The following GRM8 variants were observed in gnomAD, a reference collection of about 807,000 sequenced individuals.
GRM8 encodes the protein glutamate metabotropic receptor 8.
A neutral mutation model predicts 87.2 loss-of-function variants in GRM8; 47 were observed. The ratio of observed to expected loss-of-function variants is 0.54; its 90% confidence interval spans 0.43 to 0.69. The LOEUF (loss-of-function observed/expected upper bound fraction) is 0.69, where lower values mean the gene tolerates loss of function less well. Ranked by LOEUF, GRM8 falls within the 30% of genes least tolerant of loss-of-function variation. The pLI is 0.00. For synonymous variants in GRM8, 396 were observed against 404.5 expected (o/e 0.98, Z 0.25); for missense variants, 1,019 against 1,139.2 (o/e 0.89, Z 1.52).
At chr7:126,898,370 A>G (rs1801742713) in intron 6 of GRM8, among the ~76,000 whole-genome samples, 1 of 152,204 alleles carries the variant, frequency 6.6e-6, no homozygotes, top group Non-Finnish European at 1.5e-5. Context: ...GGAGACAAAT[A>G]TCTTCTCTTA....
chr7:126,757,665 C>T (rs1377992634), intron 7 of GRM8, among the ~76,000 whole-genome samples: 1 of 152,098 alleles, frequency 6.6e-6, no homozygotes, highest in Non-Finnish European at 1.5e-5. Flanking sequence ...CTGGGCAGTG[C>T]TACAAGGACT....
At chr7:127,114,743 T>C (rs898784241) in intron 2 of GRM8, among the ~76,000 whole-genome samples, 1 of 152,184 alleles carries the variant, frequency 6.6e-6, no homozygotes, top group Non-Finnish European at 1.5e-5. Context: ...AGTATAAATA[T>C]ATATTACACT....
At chr7:126,940,587 C>T (rs17867122) in intron 3 of GRM8, among the ~76,000 whole-genome samples, 15 of 152,324 alleles carry the variant, frequency 9.8e-5, no homozygotes, top group African/African-American at 3.1e-4. Context: ...ACTTTGTTGT[C>T]ACCATGTAGA....
At chr7:126,918,363 A>G (rs1804153434) in intron 3 of GRM8, among the ~76,000 whole-genome samples, 1 of 152,222 alleles carries the variant, frequency 6.6e-6, no homozygotes, top group South Asian at 2.1e-4. Context: ...TCCTTTGACA[A>G]TGTTGTCATT....
At position 126,478,626 on chromosome 7, in the gene GRM8, A is replaced by C. The variant is rs78217039; in HGVS notation, c.2431-32254T>G. On this transcript the variant is annotated intron_variant, in intron 9 of 10. Transcript: ENST00000339582. ...AAAAATGATTTCTCTTAGAAGCTAT[A>C]AAATTGTCTTCAAAGTAGCCAAATG... Among the ~76,000 whole-genome samples the C allele has an allele frequency of 1.7e-3, 265 of 152,266 alleles. 6 individuals carry two copies. The East Asian group carries it at 0.044, about 26-fold the overall frequency.
chr7:127,170,575 A>G (rs1478634131), intron 2 of GRM8, among the ~76,000 whole-genome samples: 1 of 152,220 alleles, frequency 6.6e-6, no homozygotes, highest in Non-Finnish European at 1.5e-5. Context: ...CAGTTGCAAA[A>G]ACATGGAACC....
At chr7:127,144,719 G>T (rs1174755926) in intron 2 of GRM8, among the ~76,000 whole-genome samples, 1 of 152,004 alleles carries the variant, frequency 6.6e-6, no homozygotes, top group Non-Finnish European at 1.5e-5. Context: ...TGTCAGTGAG[G>T]CAAGAACATG....
At chr7:126,822,749 C>T (rs1336165862) in intron 6 of GRM8, among the ~76,000 whole-genome samples, 1 of 152,122 alleles carries the variant, frequency 6.6e-6, no homozygotes, top group Non-Finnish European at 1.5e-5. Flanking sequence ...GTCCCCTTTC[C>T]TGGCTCCTTT....
chr7:126,951,590 C>T (rs184472610), intron 3 of GRM8, among the ~76,000 whole-genome samples: 21 of 152,056 alleles, frequency 1.4e-4, no homozygotes, highest in Admixed American at 1.2e-3. Context: ...GACTGGATAC[C>T]ATGAAGCTAA....
At chr7:126,911,140 T>C (rs1035817545) in intron 3 of GRM8, among the ~76,000 whole-genome samples, 1 of 152,172 alleles carries the variant, frequency 6.6e-6, no homozygotes, top group African/African-American at 2.4e-5. Flanking sequence ...TTTCAACAGA[T>C]CATATTTTTG....
At chr7:126,504,414 A>G (rs1157667471) in intron 9 of GRM8, among the ~76,000 whole-genome samples, 1 of 151,968 alleles carries the variant, frequency 6.6e-6, no homozygotes, top group Non-Finnish European at 1.5e-5. Flanking sequence ...TGATTTATTT[A>G]TTTCCTATTT....
intron 8 of GRM8, among the ~76,000 whole-genome samples, chr7:126,558,630 C>G (rs185080336): frequency 9.2e-5 from 14 of 152,024 alleles, no homozygotes; most frequent in African/African-American, 3.1e-4. Context: ...GTAAATTCTA[C>G]GAAGATAGTT....
intron 3 of GRM8, among the ~76,000 whole-genome samples, chr7:126,946,724 A>T (rs1407860946): frequency 6.6e-6 from 1 of 152,230 alleles, no homozygotes; most frequent in Non-Finnish European, 1.5e-5. Flanking sequence ...AGAAATATCC[A>T]GCAGACCTAT....
At chr7:126,486,629 C>T (rs1037087697) in intron 9 of GRM8, among the ~76,000 whole-genome samples, 2 of 152,002 alleles carry the variant, frequency 1.3e-5, no homozygotes, top group South Asian at 2.1e-4. Flanking sequence ...TACAAAATAT[C>T]GAGGATACCT....
intron 2 of GRM8, among the ~76,000 whole-genome samples, chr7:127,195,610 T>C (rs1440913820): frequency 6.6e-6 from 1 of 152,104 alleles, no homozygotes; most frequent in South Asian, 2.1e-4. Flanking sequence ...TTCACCTCCC[T>C]CTCCTGTCAA....
At chr7:126,746,802 C>T (rs1030739654) in intron 7 of GRM8, among the ~76,000 whole-genome samples, 1 of 151,450 alleles carries the variant, frequency 6.6e-6, no homozygotes, top group African/African-American at 2.4e-5. Flanking sequence ...TAAAATTGCT[C>T]AATAAAGCGC....
chr7:126,647,332 TA>T (rs1803248371), intron 7 of GRM8, among the ~76,000 whole-genome samples: 1 of 63,240 alleles, frequency 1.6e-5, no homozygotes, highest in Admixed American at 1.4e-4. Context: ...GATAGATAGA[TA>T]GATAGATAGA....
intron 2 of GRM8, among the ~76,000 whole-genome samples, chr7:127,188,696 G>GTA (rs1232123708): frequency 6.6e-6 from 1 of 152,142 alleles, no homozygotes; most frequent in Non-Finnish European, 1.5e-5. Flanking sequence ...GCCAAGCCTG[G>GTA]TATAGTGCTT....
chr7:126,562,516 G>A (rs1793814337), intron 8 of GRM8, among the ~76,000 whole-genome samples: 1 of 152,170 alleles, frequency 6.6e-6, no homozygotes, highest in African/African-American at 2.4e-5. Context: ...CTCAGTTAAT[G>A]TAAATTAAAT....
Sources: gnomAD v4.1 joint callset for allele counts (sites outside exome capture counted in the v4.1 genomes callset) on GRCh38, gnomAD v4.1.1 for gene constraint, MANE v1.5 for transcripts, NCBI Gene and HGNC (gene_info 2026-07-23, HGNC 2026-07-21) for gene names.